Variants in LYPLAL1 observed in about 807,000 individuals in gnomAD.
LYPLAL1 encodes the protein lysophospholipase-like protein 1.
Under a neutral mutation model 19.7 loss-of-function variants are expected in LYPLAL1, and 23 were observed. The observed-to-expected ratio is 1.17, with a 90% CI of 0.84 to 1.65. The LOEUF (loss-of-function observed/expected upper bound fraction) is 1.65. Ranked by LOEUF, LYPLAL1 falls within the 40% of genes most tolerant of loss-of-function variation. The pLI, the probability that LYPLAL1 is intolerant of heterozygous loss-of-function variation, is 0.00. For synonymous variants in LYPLAL1, 119 were observed against 96.3 expected (o/e 1.24, Z -1.38); for missense variants, 355 against 279.4 (o/e 1.27, Z -1.93).
At chr1:219,435,650 C>A in the LYPLAL1 span, among the ~76,000 whole-genome samples, 4 of 151,952 alleles carry the variant, frequency 2.6e-5, no homozygotes, top group Non-Finnish European at 5.9e-5. Flanking sequence ...CATAGTGAAA[C>A]CCCGTCTGTA....
At chr1:219,362,491 G>A in the LYPLAL1 span, among the ~76,000 whole-genome samples, 1 of 152,146 alleles carries the variant, frequency 6.6e-6, no homozygotes, top group Non-Finnish European at 1.5e-5. Flanking sequence ...CCAAGGTGCA[G>A]ACAGTATTTC....
the LYPLAL1 span, among the ~76,000 whole-genome samples, chr1:219,415,649 G>T: frequency 6.6e-6 from 1 of 152,214 alleles, no homozygotes; most frequent in African/African-American, 2.4e-5. Flanking sequence ...TTCTAGGAAA[G>T]GGTCAGTAAC....
chr1:219,297,724 C>T, the LYPLAL1 span, among the ~76,000 whole-genome samples: 1 of 152,192 alleles, frequency 6.6e-6, no homozygotes, highest in African/African-American at 2.4e-5. Context: ...CTTGAACAGA[C>T]TGCAAGTTAT....
chr1:219,184,380 T>C (rs1656552006), intron 2 of LYPLAL1, among the ~76,000 whole-genome samples: 1 of 151,928 alleles, frequency 6.6e-6, no homozygotes, highest in South Asian at 2.1e-4. Context: ...TGTATCCTTC[T>C]ATCTTTCTAA....
chr1:219,364,499 C>G, the LYPLAL1 span, among the ~76,000 whole-genome samples: 1 of 150,456 alleles, frequency 6.6e-6, no homozygotes, highest in African/African-American at 2.4e-5. Context: ...GCCACTACTC[C>G]CCACTCTTTT....
chr1:219,383,067 C>A, the LYPLAL1 span, among the ~76,000 whole-genome samples: 3 of 152,104 alleles, frequency 2.0e-5, no homozygotes, highest in Admixed American at 2.0e-4. Flanking sequence ...TTCATGAAGT[C>A]AAAAACCAAC....
the LYPLAL1 span, among the ~76,000 whole-genome samples, chr1:219,229,630 A>G: frequency 1.3e-5 from 2 of 152,226 alleles, no homozygotes; most frequent in African/African-American, 2.4e-5. Context: ...TGGCAAAACT[A>G]AAAGAGCACA....
chr1:219,365,773 G>A, the LYPLAL1 span, among the ~76,000 whole-genome samples: 1 of 152,146 alleles, frequency 6.6e-6, no homozygotes, highest in Admixed American at 6.6e-5. Context: ...TCCCAGGACA[G>A]CACTGAAATT....
chr1:219,224,255 ACT>A, the LYPLAL1 span, among the ~76,000 whole-genome samples: 1 of 152,088 alleles, frequency 6.6e-6, no homozygotes, highest in South Asian at 2.1e-4. Flanking sequence ...CAAATATATG[ACT>A]CTTTTAAAAT....
chr1:219,414,502 T>A, the LYPLAL1 span, among the ~76,000 whole-genome samples: 3 of 152,222 alleles, frequency 2.0e-5, no homozygotes, highest in Admixed American at 1.3e-4. Context: ...TTTAGTCAAC[T>A]GTAACATGGG....
chr1:219,261,965 C>T, the LYPLAL1 span, among the ~76,000 whole-genome samples: 1 of 152,142 alleles, frequency 6.6e-6, no homozygotes, highest in African/African-American at 2.4e-5. Context: ...GATTTCTCTT[C>T]TTTCTCAAGA....
the LYPLAL1 span, among the ~76,000 whole-genome samples, chr1:219,261,215 A>G: frequency 2.0e-5 from 3 of 152,186 alleles, no homozygotes; most frequent in African/African-American, 7.2e-5. Flanking sequence ...TTATATGGTT[A>G]TTGAAATGAC....
the LYPLAL1 span, among the ~76,000 whole-genome samples, chr1:219,414,455 C>A: frequency 6.6e-6 from 1 of 152,134 alleles, no homozygotes; most frequent in Admixed American, 6.5e-5. Flanking sequence ...CCAGCTCTGC[C>A]ATTTCCTAGT....
chr1:219,242,730 T>A, the LYPLAL1 span, among the ~76,000 whole-genome samples: 1 of 150,720 alleles, frequency 6.6e-6, no homozygotes, highest in East Asian at 1.9e-4. Flanking sequence ...TTAATATATA[T>A]AAATATAGTT....
chr1:219,201,332 T>A (rs551578680), intron 3 of LYPLAL1, among the ~76,000 whole-genome samples: 2 of 151,950 alleles, frequency 1.3e-5, no homozygotes, highest in East Asian at 3.9e-4. Context: ...CTTTTTTTTT[T>A]ACACTGAATT....
chr1:219,235,843 T>C, the LYPLAL1 span, among the ~76,000 whole-genome samples: 1 of 152,198 alleles, frequency 6.6e-6, no homozygotes, highest in South Asian at 2.1e-4. Context: ...AGAGAGTAAG[T>C]TGACCTTGTG....
chr1:219,403,167 T>C, the LYPLAL1 span, among the ~76,000 whole-genome samples: 2 of 152,250 alleles, frequency 1.3e-5, no homozygotes, highest in Non-Finnish European at 2.9e-5. Context: ...AATTATTTTC[T>C]CAGTGAAAAC....
chr1:219,194,362 A>G (rs1657436844), intron 3 of LYPLAL1, among the ~76,000 whole-genome samples: 1 of 151,992 alleles, frequency 6.6e-6, no homozygotes, highest in African/African-American at 2.4e-5. Flanking sequence ...TAGAATTCCA[A>G]ACATGTGAAT....
intron 3 of LYPLAL1, 75 bp from the exon 4 acceptor site, chr1:219,210,457 A>G (rs1240804279): frequency 1.5e-5 from 15 of 1,028,932 alleles, no homozygotes; most frequent in Admixed American, 7.5e-5. Context: ...TTTTAAAAAT[A>G]TGGAAAATTG....
Sources: gnomAD v4.1 joint callset for allele counts (sites outside exome capture counted in the v4.1 genomes callset) on GRCh38, gnomAD v4.1.1 for gene constraint, MANE v1.5 for transcripts, NCBI Gene and HGNC (gene_info 2026-07-23, HGNC 2026-07-21) for gene names.